Variants in ELFN2 observed in about 807,000 individuals in gnomAD.
The protein encoded by ELFN2 is protein phosphatase 1 regulatory subunit 29.
Under a neutral mutation model 45.5 loss-of-function variants are expected in ELFN2, and 17 were observed. The ratio of observed to expected loss-of-function variants is 0.37; its 90% CI spans 0.26 to 0.56. ELFN2 has a LOEUF of 0.56. ELFN2 is among the 20% of genes least tolerant of loss of function. The probability of loss-of-function intolerance (pLI) is 0.77; values close to 1 mark genes in which losing one functional copy is unlikely to be tolerated. For missense variants in ELFN2, 922 were observed against 1,183.2 expected, an observed-to-expected ratio of 0.78 and a Z score of 3.24; for synonymous variants, 550 against 551.5, an observed-to-expected ratio of 1.00 and a Z score of 0.04.
intron 2 of ELFN2, among the ~76,000 whole-genome samples, chr22:37,387,747 C>T (rs1931987715): frequency 6.6e-6 from 1 of 152,070 alleles, no homozygotes; most frequent in Admixed American, 6.5e-5. Flanking sequence ...CCCCTGATGT[C>T]CTGGTCCCTG....
chr22:37,388,090 T>C (rs1931999874), intron 2 of ELFN2, among the ~76,000 whole-genome samples: 1 of 150,370 alleles, frequency 6.7e-6, no homozygotes, highest in Non-Finnish European at 1.5e-5. Context: ...CCTCCAACCC[T>C]ACCTCCCCAC....
intron 2 of ELFN2, among the ~76,000 whole-genome samples, chr22:37,402,415 CAG>C (rs1482014717): frequency 1.3e-5 from 2 of 152,244 alleles, no homozygotes; most frequent in Non-Finnish European, 2.9e-5. Flanking sequence ...TTGCCCTACA[CAG>C]ACCAGACGTG....
At position 37,373,515 on chromosome 22, in the gene ELFN2, G is replaced by C. The variant is rs747652536; in HGVS notation, c.2020C>G (p.Leu674Val). 1 of 1,562,192 alleles carries C rather than the reference G, an allele frequency of 6.4e-7. No homozygotes were observed. The highest frequency in any genetic ancestry group is 1.4e-5 in the African/African-American group (1 of 74,070). The change falls in exon 3 of 3, where the codon CTG becomes GTG. Residue 674 changes from leucine to valine, a missense_variant. Transcript: ENST00000402918. ...IEKGSPLNSP[L>V]DRLPLVPAGS... ...GCCGGCACCAGCGGGAGCCGGTCCA[G>C]CGGGCTGTTGAGGGGGCTGCCCTTC... is the stretch of plus-strand genomic sequence containing the variant.
intron 2 of ELFN2, among the ~76,000 whole-genome samples, chr22:37,406,970 C>T (rs1932517431): frequency 1.3e-5 from 2 of 152,262 alleles, no homozygotes; most frequent in Admixed American, 1.3e-4. Context: ...CAGCCACAGG[C>T]TTGGGAGAGG....
chr22:37,389,644 C>A (rs955357808), intron 2 of ELFN2, among the ~76,000 whole-genome samples: 1 of 152,124 alleles, frequency 6.6e-6, no homozygotes, highest in African/African-American at 2.4e-5. Flanking sequence ...CGAGGAACAG[C>A]AGCTCTCCAG....
rs375119306 is a variant in ELFN2, at chr22:37,342,028, G to C, written n.251+573C>G. On this transcript the variant is annotated intron_variant and non_coding_transcript_variant, in intron 2 of 2. Coordinates refer to ENST00000452946, the Ensembl canonical transcript of ELFN2. ...TGACCCTGACATTAGACAGGCACAG[G>C]GGTGGCCTGCCATCTGTGTTAGTCA... 1.5e-3 allele frequency among the ~76,000 whole-genome samples: 163 copies of C among 109,858 alleles called. 1 individual carries two copies. Among genetic ancestry groups the C allele is most frequent in the Middle Eastern group, 5.8e-3 (1 of 172 alleles). 72.1% of individuals were successfully genotyped at this position (109,858 alleles called of 152,430 possible).
chr22:37,402,664 C>T (rs986881392), intron 2 of ELFN2, among the ~76,000 whole-genome samples: 16 of 152,198 alleles, frequency 1.1e-4, no homozygotes, highest in Non-Finnish European at 1.6e-4. Flanking sequence ...TCCTGAGCCC[C>T]TGTGCCACCA....
chr22:37,418,216 G>A (rs1017654504), intron 1 of ELFN2, among the ~76,000 whole-genome samples: 2 of 151,922 alleles, frequency 1.3e-5, no homozygotes, highest in Non-Finnish European at 2.9e-5. Context: ...GAGAGATGGA[G>A]GCAGAGATGT....
chr22:37,357,534 T>C (rs1930980055), intron 1 of ELFN2, among the ~76,000 whole-genome samples: 1 of 152,198 alleles, frequency 6.6e-6, no homozygotes, highest in Non-Finnish European at 1.5e-5. Context: ...CCACACTTCT[T>C]ATGGGGAACT....
intron 2 of ELFN2, among the ~76,000 whole-genome samples, chr22:37,379,605 C>T (rs1195121554): frequency 6.6e-6 from 1 of 152,212 alleles, no homozygotes; most frequent in Non-Finnish European, 1.5e-5. Flanking sequence ...ATGCTGTTAT[C>T]GGGGGCTCCC....
chr22:37,397,338 A>AGGCCCCCAGGCAT (rs1932241310), intron 2 of ELFN2, among the ~76,000 whole-genome samples: 1 of 152,144 alleles, frequency 6.6e-6, no homozygotes, highest in Admixed American at 6.5e-5. Flanking sequence ...AGAACAACAT[A>AGGCCCCCAGGCAT]GGCCCCCAGG....
intron 2 of ELFN2, among the ~76,000 whole-genome samples, chr22:37,341,486 C>T (rs1223575373): frequency 6.6e-6 from 1 of 152,224 alleles, no homozygotes; most frequent in Admixed American, 6.5e-5. Context: ...GCACTGGGTC[C>T]TTGTCCCTGC....
rs1035283413 is a variant in ELFN2, at chr22:37,375,889, C to T, written c.-355G>A. The T allele has an allele frequency of 2.8e-5, 10 of 351,746 alleles. No individual in the cohort carries two copies. Among genetic ancestry groups the T allele is most frequent in the African/African-American group, 1.3e-4 (6 of 45,198 alleles). The allele number at this position is 351,746 out of a possible 1,614,324, so 21.8% of individuals were successfully genotyped here. A position where few individuals can be genotyped will look rare whatever the true frequency, so the allele number is the denominator to read the frequency against. Reference sequence around the variant, plus strand: ...CCTCCTCGTCTTCCTCCTTGGCTTCCGGGCTCAGAACTTCAGATGATTCCC... The same window carrying T: ...CCTCCTCGTCTTCCTCCTTGGCTTCTGGGCTCAGAACTTCAGATGATTCCC... On this transcript the variant is annotated 5_prime_UTR_variant, in exon 3 of 3. Transcript: ENST00000402918.
intron 2 of ELFN2, among the ~76,000 whole-genome samples, chr22:37,380,523 G>A (rs1931727074): frequency 6.6e-6 from 1 of 152,190 alleles, no homozygotes; most frequent in Non-Finnish European, 1.5e-5. Flanking sequence ...GTGGGGGGAA[G>A]CGCAGTCTGT....
chr22:37,361,595 T>G (rs1931088162), intron 1 of ELFN2, among the ~76,000 whole-genome samples: 1 of 152,050 alleles, frequency 6.6e-6, no homozygotes, highest in Admixed American at 6.6e-5. Context: ...CTCCAAACAG[T>G]GGGCCCATCC....
At position 37,372,943 on chromosome 22, in the gene ELFN2, C is replaced by G; in HGVS notation, c.*129G>C. On this transcript the variant is annotated 3_prime_UTR_variant, in exon 3 of 3. Transcript: ENST00000402918. The surrounding 1 kb of genome is among the most constrained non-coding windows in gnomAD (Gnocchi z 4.4). Reference sequence around the variant, plus strand: ...AGGTGTGTGTGTGCGTGCGTGCGTGCGGGTCTGCATGTGCGTCCTCTCCTG... The same window carrying G: ...AGGTGTGTGTGTGCGTGCGTGCGTGGGGGTCTGCATGTGCGTCCTCTCCTG... 9.8e-7 allele frequency: 1 copy of G among 1,016,830 alleles called. No homozygotes were observed. The highest frequency in any genetic ancestry group is 1.4e-6 in the Non-Finnish European group (1 of 716,162). The allele number at this position is 1,016,830 out of a possible 1,614,324, so 63.0% of individuals were successfully genotyped here.
chr22:37,373,615 G>A lies in ELFN2; in HGVS notation c.1920C>T (p.Ala640=). 1 of 1,603,940 alleles carries A rather than the reference G, an allele frequency of 6.2e-7. No individual in the cohort carries two copies. The highest frequency in any genetic ancestry group is 8.5e-7 in the Non-Finnish European group (1 of 1,176,638). Residue 640 remains alanine, a synonymous_variant, in exon 3 of 3, where the codon GCC becomes GCT. Transcript: ENST00000402918. ...CGGGCACGTCCAGGCTAAAGACCTTGGCGCTCTTGATGGAACCACTGGACG... is the reference window on the plus strand; with the variant it reads ...CGGGCACGTCCAGGCTAAAGACCTTAGCGCTCTTGATGGAACCACTGGACG... ...SVSSSGSIKS[A]KVFSLDVPDH... is the part of the protein sequence containing the mutation.
chr22:37,366,126 T>G (rs757473548), downstream of ELFN2, among the ~76,000 whole-genome samples: 45 of 152,202 alleles, frequency 3.0e-4, no homozygotes, highest in Non-Finnish European at 5.7e-4. Context: ...GCGACACTTA[T>G]GAAGCGGGGA....
Position 37,373,732 on chromosome 22 carries a change from G to A in ELFN2, c.1803C>T (p.Phe601=), listed in dbSNP as rs1478026463. The A allele has an allele frequency of 6.4e-7, 1 of 1,559,748 alleles. No individual in the cohort carries two copies. The highest frequency in any genetic ancestry group is 1.2e-5 in the South Asian group (1 of 81,886). Residue 601 remains phenylalanine, a synonymous_variant, in exon 3 of 3, where the codon TTC becomes TTT. Coordinates refer to ENST00000402918, the MANE Select transcript of ELFN2 (RefSeq NM_052906.5). ...TGPGALERPS[F]LSPPYKESSH... ...AGCTCTCCTTGTAGGGAGGCGAAAG[G>A]AAGCTGGGCCGCTCCAGGGCCCCGG...
Sources: allele counts gnomAD v4.1 joint callset (sites outside exome capture counted in the v4.1 genomes callset), GRCh38; gene constraint gnomAD v4.1.1; non-coding constraint Gnocchi (gnomAD v3.1); transcripts MANE v1.5; gene names NCBI Gene and HGNC (gene_info 2026-07-23, HGNC 2026-07-21).